PCDH11X: variants seen among roughly 807,000 people sequenced by gnomAD.
PCDH11X encodes protocadherin 11 X-linked.
Under a neutral mutation model 53.3 loss-of-function variants are expected in PCDH11X, and 18 were observed. The ratio of observed to expected loss-of-function variants is 0.34; its 90% confidence interval spans 0.23 to 0.50. The LOEUF is 0.50. PCDH11X is among the 20% of genes least tolerant of loss of function. PCDH11X has a pLI of 0.98. For synonymous variants in PCDH11X, 279 were observed against 393.3 expected (o/e 0.71, Z 3.44); for missense variants, 570 against 1,032.4 (o/e 0.55, Z 6.14).
chrX:92,180,148 C>T (rs540621560), intron 6 of PCDH11X, among the ~76,000 whole-genome samples: 16 of 111,595 alleles, frequency 1.4e-4, no homozygotes, highest in Middle Eastern at 9.2e-3. Context: ...GAAGCAAGCA[C>T]GTTTTACCAT....
At chrX:92,070,301 C>T (rs925786386) in intron 6 of PCDH11X, among the ~76,000 whole-genome samples, 5 of 111,625 alleles carry the variant, frequency 4.5e-5, no homozygotes, top group Admixed American at 9.6e-5. Flanking sequence ...TCTTCTTGCT[C>T]ATTGTCATCC....
At chrX:92,073,040 G>A (rs887577766) in intron 6 of PCDH11X, among the ~76,000 whole-genome samples, 1 of 111,108 alleles carries the variant, frequency 9.0e-6, no homozygotes, top group African/African-American at 3.3e-5. Flanking sequence ...ATGAGTGCTG[G>A]CTGAGTTCGG....
intron 10 of PCDH11X, among the ~76,000 whole-genome samples, chrX:92,577,900 ATTGT>A (rs777828570): frequency 7.3e-4 from 78 of 106,790 alleles, no homozygotes; most frequent in African/African-American, 2.7e-3. Flanking sequence ...GGTCTGAGAG[ATTGT>A]TTATTATAAT....
intron 10 of PCDH11X, among the ~76,000 whole-genome samples, chrX:92,548,515 T>C (rs1466790492): frequency 2.7e-5 from 3 of 111,764 alleles, no homozygotes; most frequent in Non-Finnish European, 5.6e-5. Context: ...ATCATCAGCA[T>C]GTGGAATGAT....
chrX:92,533,356 T>A (rs2074595751), intron 10 of PCDH11X, among the ~76,000 whole-genome samples: 1 of 108,582 alleles, frequency 9.2e-6, no homozygotes, highest in Non-Finnish European at 1.9e-5. Flanking sequence ...CATAAAAGAG[T>A]ATGCTATCAA....
intron 9 of PCDH11X, among the ~76,000 whole-genome samples, chrX:92,421,016 A>G (rs2071953021): frequency 9.0e-6 from 1 of 111,285 alleles, no homozygotes; most frequent in Non-Finnish European, 1.9e-5. Flanking sequence ...TTCAGATTGG[A>G]TAATTGTTAT....
chrX:92,216,454 G>A (rs1174763343), intron 7 of PCDH11X, among the ~76,000 whole-genome samples: 2 of 104,026 alleles, frequency 1.9e-5, no homozygotes, highest in Admixed American at 1.1e-4. Context: ...GGGTATCAGC[G>A]ATGGAAGATG....
intron 7 of PCDH11X, among the ~76,000 whole-genome samples, chrX:92,252,483 G>A (rs1260359325): frequency 5.4e-5 from 6 of 110,732 alleles, no homozygotes; most frequent in Non-Finnish European, 7.6e-5. Flanking sequence ...GATTTTCTAC[G>A]TGTTCACAGT....
At chrX:92,426,586 T>G (rs750406916) in intron 9 of PCDH11X, among the ~76,000 whole-genome samples, 1 of 107,763 alleles carries the variant, frequency 9.3e-6, no homozygotes, top group Non-Finnish European at 1.9e-5. Context: ...AGGCACAATT[T>G]TAACAATATA....
At chrX:92,504,398 A>T (rs2074014299) in intron 10 of PCDH11X, among the ~76,000 whole-genome samples, 1 of 110,393 alleles carries the variant, frequency 9.1e-6, no homozygotes, top group African/African-American at 3.3e-5. Flanking sequence ...TTCACTTAGG[A>T]TAATGACCTC....
At chrX:92,448,976 G>A (rs35152932) in intron 9 of PCDH11X, among the ~76,000 whole-genome samples, 17 of 111,738 alleles carry the variant, frequency 1.5e-4, no homozygotes, top group African/African-American at 5.2e-4. Context: ...AGTGTTCCTC[G>A]GATAGGCATC....
chrX:91,909,599 T>G (rs1289012585), intron 6 of PCDH11X, among the ~76,000 whole-genome samples: 1 of 107,827 alleles, frequency 9.3e-6, no homozygotes, highest in Non-Finnish European at 1.9e-5. Context: ...CTAAAAATTT[T>G]TTATTTAAAT....
intron 9 of PCDH11X, among the ~76,000 whole-genome samples, chrX:92,425,002 A>C (rs1488497507): frequency 2.1e-5 from 2 of 97,209 alleles, no homozygotes; most frequent in Non-Finnish European, 4.5e-5. Context: ...GATGCTGGCT[A>C]ACTGGTAGTG....
intron 10 of PCDH11X, among the ~76,000 whole-genome samples, chrX:92,598,436 G>A: frequency 9.1e-6 from 1 of 110,226 alleles, no homozygotes; most frequent in Non-Finnish European, 1.9e-5. Flanking sequence ...ATGGCAAGCA[G>A]GCATATGAAA....
At chrX:92,020,265 T>G (rs986199175) in intron 6 of PCDH11X, among the ~76,000 whole-genome samples, 1 of 112,064 alleles carries the variant, frequency 8.9e-6, no homozygotes, top group Non-Finnish European at 1.9e-5. Flanking sequence ...GCAGCCAGCA[T>G]TGGGACTAAT....
chrX:92,100,752 A>AT (rs1234902978), intron 6 of PCDH11X, among the ~76,000 whole-genome samples: 1 of 109,805 alleles, frequency 9.1e-6, no homozygotes, highest in Non-Finnish European at 1.9e-5. Context: ...GACGGTGAAA[A>AT]TTTTTGGGGG....
At chrX:92,564,166 C>T (rs545378560) in intron 10 of PCDH11X, among the ~76,000 whole-genome samples, 1 of 110,265 alleles carries the variant, frequency 9.1e-6, no homozygotes, top group Non-Finnish European at 1.9e-5. Context: ...TTGGAAGAAT[C>T]AATATTCTCA....
chrX:92,323,690 C>G (rs1257097926), intron 8 of PCDH11X, among the ~76,000 whole-genome samples: 1 of 111,026 alleles, frequency 9.0e-6, no homozygotes, highest in Admixed American at 9.7e-5. Flanking sequence ...TGGCTTTCTA[C>G]TATGATTACA....
chrX:91,948,159 T>A (rs1178017870), intron 6 of PCDH11X, among the ~76,000 whole-genome samples: 1 of 107,441 alleles, frequency 9.3e-6, no homozygotes, highest in Non-Finnish European at 1.9e-5. Context: ...AGTTTTTAGT[T>A]ATTATGATAC....
Sources: allele counts gnomAD v4.1 joint callset (sites outside exome capture counted in the v4.1 genomes callset), GRCh38; gene constraint gnomAD v4.1.1; transcripts MANE v1.5; gene names NCBI Gene and HGNC (gene_info 2026-07-23, HGNC 2026-07-21).